Variants in XYLT1 observed in about 807,000 individuals in gnomAD.
XYLT1 encodes the protein beta-D-xylosyltransferase 1.
In XYLT1, 36 loss-of-function variants were observed where a neutral mutation model predicts 91.3. That is an observed-to-expected ratio of 0.39 (90% CI 0.30 to 0.52). The LOEUF is 0.52. Ranked by LOEUF, XYLT1 falls within the 20% of genes least tolerant of loss-of-function variation. The probability of loss-of-function intolerance (pLI) is 0.68; values close to 1 mark genes in which losing one functional copy is unlikely to be tolerated. For synonymous variants in XYLT1, 588 were observed against 532.0 expected (o/e 1.11, Z -1.45); for missense variants, 1,242 against 1,284.5 (o/e 0.97, Z 0.51).
chr16:17,367,610 T>C (rs2035472665), intron 1 of XYLT1, among the ~76,000 whole-genome samples: 4 of 152,140 alleles, frequency 2.6e-5, no homozygotes, highest in African/African-American at 7.2e-5. Flanking sequence ...CACAGGAAAA[T>C]AGTTCATATT....
At chr16:17,386,356 T>C (rs985353733) in intron 1 of XYLT1, among the ~76,000 whole-genome samples, 1 of 152,126 alleles carries the variant, frequency 6.6e-6, no homozygotes, top group South Asian at 2.1e-4. Context: ...ATTTACACAA[T>C]AAGCTCAAAA....
chr16:17,218,832 C>T (rs1295339436), intron 3 of XYLT1, among the ~76,000 whole-genome samples: 1 of 152,130 alleles, frequency 6.6e-6, no homozygotes, highest in Non-Finnish European at 1.5e-5. Flanking sequence ...CTTTGAAATA[C>T]CTCCCAAGCA....
At chr16:17,330,345 C>T (rs543592534) in intron 2 of XYLT1, among the ~76,000 whole-genome samples, 39 of 152,274 alleles carry the variant, frequency 2.6e-4, no homozygotes, top group African/African-American at 8.9e-4. Context: ...ACAGGTTGAT[C>T]CAGACCTCAG....
intron 5 of XYLT1, among the ~76,000 whole-genome samples, chr16:17,160,300 G>A (rs887860823): frequency 3.3e-5 from 5 of 152,152 alleles, no homozygotes; most frequent in African/African-American, 1.2e-4. Flanking sequence ...CACAGTAGGG[G>A]CACAATCAAT....
At chr16:17,131,697 A>G in intron 9 of XYLT1, among the ~76,000 whole-genome samples, 1 of 152,218 alleles carries the variant, frequency 6.6e-6, no homozygotes, top group East Asian at 1.9e-4. Flanking sequence ...GTTTATAATG[A>G]GAAAAAAAAA....
At chr16:17,468,465 G>A (rs76157819) in intron 1 of XYLT1, among the ~76,000 whole-genome samples, 18,343 of 152,154 alleles carry the variant, frequency 0.12, 1,427 homozygotes, top group East Asian at 0.4. Context: ...GCAGTTGGAA[G>A]CAGAGTTTCA....
intron 1 of XYLT1, among the ~76,000 whole-genome samples, chr16:17,419,816 CCTTT>C (rs1265810894): frequency 6.6e-6 from 1 of 152,098 alleles, no homozygotes; most frequent in African/African-American, 2.4e-5. Context: ...GAGCCTGCTT[CCTTT>C]GATTTGAGTA....
intron 2 of XYLT1, among the ~76,000 whole-genome samples, chr16:17,305,417 C>CT (rs35534038): frequency 3.0e-3 from 392 of 130,134 alleles, no homozygotes; most frequent in Non-Finnish European, 5.0e-3. Flanking sequence ...TCTTCTTCTT[C>CT]TTTTTTTTTT....
chr16:17,359,522 G>A (rs112840492), intron 1 of XYLT1, among the ~76,000 whole-genome samples: 2 of 152,114 alleles, frequency 1.3e-5, no homozygotes, highest in South Asian at 2.1e-4. Context: ...AGAGGAATTC[G>A]TCGTCCCCCA....
intron 1 of XYLT1, among the ~76,000 whole-genome samples, chr16:17,462,252 C>T (rs576653404): frequency 6.6e-6 from 1 of 152,334 alleles, no homozygotes; most frequent in African/African-American, 2.4e-5. Context: ...CCATTCATTG[C>T]CCCTAGGTGG....
intron 3 of XYLT1, among the ~76,000 whole-genome samples, chr16:17,247,497 T>C (rs2033458498): frequency 6.6e-6 from 1 of 152,166 alleles, no homozygotes; most frequent in Non-Finnish European, 1.5e-5. Context: ...TAACAGGTGC[T>C]TGGTAAATAT....
At chr16:17,262,507 G>A (rs148352041) in intron 2 of XYLT1, among the ~76,000 whole-genome samples, 21 of 152,264 alleles carry the variant, frequency 1.4e-4, no homozygotes, top group South Asian at 4.1e-4. Context: ...TCATATTAGC[G>A]TCTGTCGGGA....
chr16:17,181,621 T>C (rs1200912248), intron 5 of XYLT1, among the ~76,000 whole-genome samples: 1 of 152,142 alleles, frequency 6.6e-6, no homozygotes, highest in Non-Finnish European at 1.5e-5. Context: ...CCTCTGCCCA[T>C]CTCTCTCCTA....
chr16:17,202,408 C>A lies in XYLT1; in HGVS notation c.914-1754G>T, dbSNP rs535883396. 1.4e-4 allele frequency among the ~76,000 whole-genome samples: 22 copies of A among 152,334 alleles called. 2 individuals carry two copies. The South Asian group carries it at 3.7e-3, about 26-fold the overall frequency. On this transcript the variant is annotated intron_variant, in intron 3 of 11. Transcript: ENST00000261381. ...TAGATAATATCCAAATCACACTACA[C>A]AGCCTCTATGGCTGGTGTGATCTAA...
chr16:17,213,663 GGC>G (rs2032803763), intron 3 of XYLT1, among the ~76,000 whole-genome samples: 1 of 151,748 alleles, frequency 6.6e-6, no homozygotes, highest in Admixed American at 6.6e-5. Flanking sequence ...CTGTCGCCCA[GGC>G]TGGAGTGCAG....
chr16:17,339,567 A>G (rs1332848973), intron 2 of XYLT1, among the ~76,000 whole-genome samples: 3 of 152,208 alleles, frequency 2.0e-5, no homozygotes, highest in African/African-American at 7.2e-5. Context: ...ACTTCAATAT[A>G]ACCACTTTCC....
At chr16:17,288,951 G>T (rs1169002934) in intron 2 of XYLT1, among the ~76,000 whole-genome samples, 3 of 152,122 alleles carry the variant, frequency 2.0e-5, no homozygotes, top group African/African-American at 7.2e-5. Flanking sequence ...ACAATAAATA[G>T]ATTTTTTTAA....
intron 1 of XYLT1, among the ~76,000 whole-genome samples, chr16:17,383,752 C>CTTTTTTTTTTTTTTTTTT (rs71373109): frequency 7.4e-6 from 1 of 135,596 alleles, no homozygotes; most frequent in African/African-American, 2.7e-5. Context: ...GTGGAATTTT[C>CTTTTTTTTTTTTTTTTTT]TTTTTTTTTT....
At chr16:17,376,026 C>T (rs1344946674) in intron 1 of XYLT1, among the ~76,000 whole-genome samples, 2 of 152,248 alleles carry the variant, frequency 1.3e-5, no homozygotes, top group African/African-American at 2.4e-5. Context: ...AAACCCTGAC[C>T]TGTGTATCCA....
Sources: gnomAD v4.1 joint callset for allele counts (sites outside exome capture counted in the v4.1 genomes callset) on GRCh38, gnomAD v4.1.1 for gene constraint, MANE v1.5 for transcripts, NCBI Gene and HGNC (gene_info 2026-07-23, HGNC 2026-07-21) for gene names.